Variants in CPXM2 observed in about 807,000 individuals in gnomAD.
CPXM2 encodes the protein inactive carboxypeptidase-like protein X2.
In CPXM2, 66 loss-of-function variants were observed where a neutral mutation model predicts 86.1. That is an observed-to-expected ratio of 0.77 (90% CI 0.63 to 0.94). CPXM2 has a LOEUF of 0.94. CPXM2 is among the 40% of genes least tolerant of loss of function. The pLI, the probability that CPXM2 is intolerant of heterozygous loss-of-function variation, is 0.00. For synonymous variants in CPXM2, 388 were observed against 400.2 expected (o/e 0.97, Z 0.36); for missense variants, 948 against 1,026.3 (o/e 0.92, Z 1.04).
chr10:123,917,559 G>A (rs17680424), intron 2 of CPXM2, among the ~76,000 whole-genome samples: 50,380 of 152,110 alleles, frequency 0.33, 8,901 homozygotes, highest in Middle Eastern at 0.55. Flanking sequence ...AGATTTTAAT[G>A]GCACCTTTCT....
chr10:123,832,854 G>A (rs924612396), intron 4 of CPXM2, among the ~76,000 whole-genome samples: 22 of 148,110 alleles, frequency 1.5e-4, no homozygotes, highest in African/African-American at 7.7e-5. Context: ...GGTCTTTGGG[G>A]GTAGAGCAGA....
chr10:123,921,579 A>G (rs1397560456), intron 2 of CPXM2, among the ~76,000 whole-genome samples: 1 of 152,234 alleles, frequency 6.6e-6, no homozygotes, highest in Non-Finnish European at 1.5e-5. Flanking sequence ...TATAATATCC[A>G]AGCTATGAGA....
chr10:123,897,159 A>G (rs776375780), intron 2 of CPXM2, among the ~76,000 whole-genome samples: 2 of 149,208 alleles, frequency 1.3e-5, no homozygotes, highest in Non-Finnish European at 3.0e-5. Flanking sequence ...CTGCAGTCCT[A>G]TGGAGGGACA....
intron 7 of CPXM2, among the ~76,000 whole-genome samples, chr10:123,778,109 G>C (rs1297158549): frequency 6.6e-6 from 1 of 152,264 alleles, no homozygotes; most frequent in East Asian, 1.9e-4. Flanking sequence ...TTGCAAGTCA[G>C]TGCTCTCTGC....
intron 2 of CPXM2, among the ~76,000 whole-genome samples, chr10:123,873,551 A>G (rs1314540049): frequency 6.6e-6 from 1 of 152,254 alleles, no homozygotes; most frequent in South Asian, 2.1e-4. Context: ...TTACAAGTAC[A>G]CACAATGGGT....
intron 2 of CPXM2, among the ~76,000 whole-genome samples, chr10:123,925,630 CTT>C (rs946271808): frequency 6.6e-6 from 1 of 152,204 alleles, no homozygotes; most frequent in Non-Finnish European, 1.5e-5. Context: ...TCTTGCCTCT[CTT>C]GTGTGTATTA....
chr10:123,915,735 T>C (rs777908860), intron 2 of CPXM2, among the ~76,000 whole-genome samples: 1 of 151,994 alleles, frequency 6.6e-6, no homozygotes, highest in Non-Finnish European at 1.5e-5. Flanking sequence ...ATCCTCAGAG[T>C]TGGTCAATAG....
upstream of CPXM2, among the ~76,000 whole-genome samples, chr10:123,894,443 C>T (rs968175935): frequency 3.9e-5 from 6 of 152,156 alleles, no homozygotes; most frequent in East Asian, 1.2e-3. Context: ...GAACAAGAAT[C>T]GATTGCACTG....
At chr10:123,922,580 CCT>C (rs1945587028) in intron 2 of CPXM2, among the ~76,000 whole-genome samples, 1 of 152,182 alleles carries the variant, frequency 6.6e-6, no homozygotes, top group African/African-American at 2.4e-5. Flanking sequence ...TGGCAAGTCC[CCT>C]GAGTTTGCAT....
chr10:123,748,524 T>C (rs1214320971), intron 13 of CPXM2, among the ~76,000 whole-genome samples: 1 of 151,962 alleles, frequency 6.6e-6, no homozygotes, highest in Non-Finnish European at 1.5e-5. Context: ...CAGGACATGA[T>C]GGGAAATGAA....
At chr10:123,825,701 A>C (rs2459767) in intron 4 of CPXM2, among the ~76,000 whole-genome samples, 8 of 151,988 alleles carry the variant, frequency 5.3e-5, no homozygotes, top group Non-Finnish European at 1.0e-4. Flanking sequence ...TGTTAAAAAA[A>C]GAGTTCTCTA....
At chr10:123,802,496 G>T (rs1200958754) in intron 4 of CPXM2, among the ~76,000 whole-genome samples, 1 of 152,112 alleles carries the variant, frequency 6.6e-6, no homozygotes, top group Non-Finnish European at 1.5e-5. Flanking sequence ...CATTCTCACT[G>T]CGTTCTACTA....
At chr10:123,939,252 C>T (rs1227909412) in intron 2 of CPXM2, among the ~76,000 whole-genome samples, 1 of 152,168 alleles carries the variant, frequency 6.6e-6, no homozygotes, top group African/African-American at 2.4e-5. Flanking sequence ...GGGCCTGCTT[C>T]GGGTAAGGCT....
chr10:123,774,341 C>T (rs540386262), intron 7 of CPXM2, among the ~76,000 whole-genome samples: 91 of 152,174 alleles, frequency 6.0e-4, no homozygotes, highest in Non-Finnish European at 1.0e-3. Context: ...GCCAAAAAAT[C>T]GGATCAACCG....
intron 1 of CPXM2, among the ~76,000 whole-genome samples, chr10:123,888,404 C>T (rs1291091567): frequency 6.6e-6 from 1 of 152,186 alleles, no homozygotes; most frequent in East Asian, 1.9e-4. Context: ...CATAGCATTG[C>T]ATCATCCACC....
At chr10:123,907,046 T>C (rs867871439) in intron 2 of CPXM2, among the ~76,000 whole-genome samples, 25 of 152,230 alleles carry the variant, frequency 1.6e-4, no homozygotes, top group African/African-American at 6.0e-4. Flanking sequence ...GCAAAGTTCA[T>C]GCTGAGAGGC....
chr10:123,752,249 T>C, intron 13 of CPXM2: 2 of 985,360 alleles, frequency 2.0e-6, no homozygotes, highest in Non-Finnish European at 2.4e-6. Context: ...GAATAGTGAA[T>C]AAATATATGA....
upstream of CPXM2, chr10:123,891,808 G>T (rs2134251667): frequency 6.0e-6 from 2 of 335,230 alleles, no homozygotes; most frequent in East Asian, 1.0e-4. This position sits in a 1 kb window ranked among gnomAD's most constrained non-coding sequence, Gnocchi z 5.6. Context: ...CTGCGCGTGT[G>T]ACCGGCCCGC....
At chr10:123,889,029 A>C (rs1366871582) in intron 1 of CPXM2, among the ~76,000 whole-genome samples, 1 of 152,232 alleles carries the variant, frequency 6.6e-6, no homozygotes, top group African/African-American at 2.4e-5. Context: ...ATGGCCTTCC[A>C]AAACCAAATG....
Sources: gnomAD v4.1 joint callset for allele counts (sites outside exome capture counted in the v4.1 genomes callset) on GRCh38, gnomAD v4.1.1 for gene constraint, Gnocchi (gnomAD v3.1) non-coding constraint, MANE v1.5 for transcripts, NCBI Gene and HGNC (gene_info 2026-07-23, HGNC 2026-07-21) for gene names.